ENOX1: variants seen among roughly 807,000 people sequenced by gnomAD.
ENOX1 encodes the protein candidate growth-related and time keeping constitutive hydroquinone (NADH) oxidase.
Under a neutral mutation model 82.5 loss-of-function variants are expected in ENOX1, and 42 were observed. That is an observed-to-expected ratio of 0.51 (90% CI 0.40 to 0.66). ENOX1 has a LOEUF of 0.66. ENOX1 is among the 30% of genes least tolerant of loss of function. ENOX1 has a pLI of 0.00. For synonymous variants in ENOX1, 271 were observed against 282.2 expected (o/e 0.96, Z 0.40); for missense variants, 608 against 811.6 (o/e 0.75, Z 3.05).
intron 2 of ENOX1, among the ~76,000 whole-genome samples, chr13:43,542,963 G>A (rs1314573557): frequency 6.6e-6 from 1 of 152,128 alleles, no homozygotes; most frequent in East Asian, 1.9e-4. Context: ...TCTCCTTGAT[G>A]AGGGCTCCGG....
chr13:43,441,216 CTAAG>C (rs765085622), intron 3 of ENOX1, among the ~76,000 whole-genome samples: 44 of 152,122 alleles, frequency 2.9e-4, no homozygotes, highest in African/African-American at 1.0e-3. Context: ...AGCGTATTAA[CTAAG>C]TGTTATGATG....
chr13:43,341,770 T>C (rs532551079), intron 9 of ENOX1, among the ~76,000 whole-genome samples: 1 of 152,146 alleles, frequency 6.6e-6, no homozygotes, highest in Non-Finnish European at 1.5e-5. Context: ...CACTCCTGCC[T>C]TATTATGAGA....
chr13:43,534,292 C>T (rs551379997), intron 2 of ENOX1, among the ~76,000 whole-genome samples: 95 of 152,230 alleles, frequency 6.2e-4, no homozygotes, highest in African/African-American at 2.3e-3. Context: ...AGAACAGGCT[C>T]AGTGTTGCTG....
intron 1 of ENOX1, among the ~76,000 whole-genome samples, chr13:43,755,874 T>C (rs897989551): frequency 6.6e-5 from 10 of 152,236 alleles, no homozygotes; most frequent in Non-Finnish European, 1.5e-4. Flanking sequence ...ATAATTATGA[T>C]GTGAGACCTG....
rs112406763 is a variant in ENOX1 at position 43,582,714 on chromosome 13, C to T, written c.-219+84765G>A. Among the ~76,000 whole-genome samples, 866 of 152,216 alleles carry T rather than the reference C, an allele frequency of 5.7e-3. 9 individuals are homozygous for T. Among genetic ancestry groups the T allele is most frequent in the African/African-American group, 0.02 (829 of 41,548 alleles). On this transcript the variant is annotated intron_variant, in intron 2 of 16. Coordinates refer to ENST00000690772, the MANE Select transcript of ENOX1 (RefSeq NM_001347969.2). ...TCAGCCTCCTAAGCAGCTGGAACTACAGGCGCACACCACCACACCCAGCTA... is the reference window on the plus strand; with the variant it reads ...TCAGCCTCCTAAGCAGCTGGAACTATAGGCGCACACCACCACACCCAGCTA...
intron 1 of ENOX1, among the ~76,000 whole-genome samples, chr13:43,776,040 G>T (rs899840107): frequency 3.7e-4 from 56 of 152,318 alleles, no homozygotes; most frequent in African/African-American, 1.3e-3. Context: ...GAGGCAATAA[G>T]GTGGAGGAGG....
chr13:43,561,316 A>T (rs1247753412), intron 2 of ENOX1, among the ~76,000 whole-genome samples: 1 of 152,134 alleles, frequency 6.6e-6, no homozygotes, highest in Non-Finnish European at 1.5e-5. Flanking sequence ...TTGTGCAGAT[A>T]GAGAGGCAGA....
intron 5 of ENOX1, among the ~76,000 whole-genome samples, chr13:43,362,495 T>C (rs533885236): frequency 6.6e-6 from 1 of 152,276 alleles, no homozygotes; most frequent in South Asian, 2.1e-4. Flanking sequence ...CATACCATCC[T>C]ATCTTCTTCT....
chr13:43,299,923 C>T (rs2046482532), intron 11 of ENOX1, among the ~76,000 whole-genome samples: 2 of 152,188 alleles, frequency 1.3e-5, no homozygotes, highest in Non-Finnish European at 2.9e-5. Context: ...GTTCTACCTG[C>T]ACATTACAGT....
intron 2 of ENOX1, among the ~76,000 whole-genome samples, chr13:43,506,986 T>TA (rs71099836): frequency 6.0e-5 from 9 of 150,728 alleles, no homozygotes; most frequent in Non-Finnish European, 8.9e-5. Flanking sequence ...TAAAGTATAA[T>TA]AAAAAAAAAC....
At chr13:43,469,244 T>G (rs2057880050) in intron 3 of ENOX1, among the ~76,000 whole-genome samples, 1 of 152,172 alleles carries the variant, frequency 6.6e-6, no homozygotes, top group Non-Finnish European at 1.5e-5. Flanking sequence ...TTTTATTCTA[T>G]TAATATGGAG....
intron 2 of ENOX1, among the ~76,000 whole-genome samples, chr13:43,516,088 C>T (rs540457690): frequency 1.3e-5 from 2 of 152,262 alleles, no homozygotes; most frequent in African/African-American, 4.8e-5. Flanking sequence ...ATCTAGCAGT[C>T]AGCGGGAACT....
intron 2 of ENOX1, among the ~76,000 whole-genome samples, chr13:43,564,358 T>C (rs950395388): frequency 2.6e-4 from 39 of 152,192 alleles, no homozygotes; most frequent in African/African-American, 9.1e-4. Flanking sequence ...AAAATTTATA[T>C]GTATCAAAAT....
chr13:43,391,480 AT>A (rs1452000403), intron 5 of ENOX1, among the ~76,000 whole-genome samples: 2 of 152,134 alleles, frequency 1.3e-5, no homozygotes, highest in African/African-American at 4.8e-5. Context: ...CACTTAAGAT[AT>A]CCCACAGGAG....
intron 2 of ENOX1, among the ~76,000 whole-genome samples, chr13:43,576,509 C>CT (rs1339140449): frequency 3.2e-4 from 48 of 152,076 alleles, no homozygotes; most frequent in Non-Finnish European, 6.2e-4. Context: ...TTAAAATGTG[C>CT]CTAGTTCACA....
chr13:43,606,039 A>C (rs183083396), intron 2 of ENOX1, among the ~76,000 whole-genome samples: 85 of 152,336 alleles, frequency 5.6e-4, no homozygotes, highest in African/African-American at 1.8e-3. Context: ...GCCAATGGCA[A>C]ACATGTATAT....
chr13:43,397,921 C>T (rs1485754966), intron 5 of ENOX1, among the ~76,000 whole-genome samples: 1 of 152,196 alleles, frequency 6.6e-6, no homozygotes, highest in Non-Finnish European at 1.5e-5. Context: ...GACCAAGGCA[C>T]TTGGAAGATG....
chr13:43,617,891 T>TTTG (rs71099839), intron 2 of ENOX1, among the ~76,000 whole-genome samples: 41 of 151,560 alleles, frequency 2.7e-4, no homozygotes, highest in African/African-American at 7.5e-4. Flanking sequence ...CATCTACTGG[T>TTTG]TTGTTGTTGT....
chr13:43,403,547 A>C (rs2053616935), intron 5 of ENOX1, among the ~76,000 whole-genome samples: 1 of 152,152 alleles, frequency 6.6e-6, no homozygotes, highest in African/African-American at 2.4e-5. Context: ...TTATCTCTAG[A>C]AATACTGTAG....
Sources: gnomAD v4.1 joint callset for allele counts (sites outside exome capture counted in the v4.1 genomes callset) on GRCh38, gnomAD v4.1.1 for gene constraint, MANE v1.5 for transcripts, NCBI Gene and HGNC (gene_info 2026-07-23, HGNC 2026-07-21) for gene names.